CYP19A1: variants seen among roughly 807,000 people sequenced by gnomAD.
CYP19A1 encodes the protein cytochrome P450 family 19 subfamily A member 1.
A neutral mutation model predicts 44.4 loss-of-function variants in CYP19A1; 32 were observed. That is an observed-to-expected ratio of 0.72 (90% CI 0.54 to 0.97). The LOEUF (loss-of-function observed/expected upper bound fraction) is 0.97, where lower values mean the gene tolerates loss of function less well. Ranked by LOEUF, CYP19A1 falls within the 50% of genes least tolerant of loss-of-function variation. The pLI, the probability that CYP19A1 is intolerant of heterozygous loss-of-function variation, is 0.00. For synonymous variants in CYP19A1, 212 were observed against 215.6 expected (o/e 0.98, Z 0.14); for missense variants, 598 against 637.8 (o/e 0.94, Z 0.67).
chr15:51,225,827 C>T (rs114363907), intron 4 of CYP19A1, among the ~76,000 whole-genome samples: 4,341 of 152,098 alleles, frequency 0.029, 234 homozygotes, highest in African/African-American at 0.1. Flanking sequence ...TATAGGCTGA[C>T]GTCTGTGATC....
chr15:51,221,784 G>A (rs985130678), intron 5 of CYP19A1: 1 of 157,426 alleles, frequency 6.4e-6, no homozygotes, highest in Non-Finnish European at 1.4e-5. Flanking sequence ...TGGCAAACAT[G>A]TATATACAGC....
intron 1 of CYP19A1, among the ~76,000 whole-genome samples, chr15:51,280,382 G>A (rs934626649): frequency 6.6e-6 from 1 of 151,174 alleles, no homozygotes; most frequent in African/African-American, 2.4e-5. Context: ...ACAGGTGTGA[G>A]CCACCACGCC....
chr15:51,288,954 G>T (rs539365151), intron 1 of CYP19A1, among the ~76,000 whole-genome samples: 1 of 152,306 alleles, frequency 6.6e-6, no homozygotes, highest in South Asian at 2.1e-4. Context: ...TGACCTCCCC[G>T]CAACATAACT....
Position 51,212,323 on chromosome 15 carries a change from C to A in CYP19A1, c.1260G>T (p.Lys420Asn), listed in dbSNP as rs376525463. The change falls in exon 9 of 10, where the codon AAG becomes AAT. Residue 420 changes from lysine to asparagine, a missense_variant. Transcript: ENST00000396402. ...AGTTTTAAGGAAGGGCTCTTACATT[C>A]TTTGCAAAATTTTCAAGAGTAAATT... The part of the protein sequence containing the change: ...PNEFTLENFA[K>N]NVPYRYFQPF... 1.3e-6 allele frequency: 2 copies of A among 1,598,066 alleles called. No homozygotes were observed. Among genetic ancestry groups the A allele is most frequent in the African/African-American group, 2.7e-5 (2 of 74,548 alleles).
chr15:51,300,992 GAAC>G (rs2036100760), intron 1 of CYP19A1, among the ~76,000 whole-genome samples: 1 of 152,178 alleles, frequency 6.6e-6, no homozygotes, highest in South Asian at 2.1e-4. Flanking sequence ...CTAAGAAAGG[GAAC>G]TACCTTTCCA....
intron 1 of CYP19A1, among the ~76,000 whole-genome samples, chr15:51,310,802 C>T (rs568115412): frequency 1.3e-4 from 20 of 152,248 alleles, no homozygotes; most frequent in Admixed American, 1.0e-3. Context: ...TCCGGCAAGA[C>T]GGAACTCTTG....
intron 1 of CYP19A1, among the ~76,000 whole-genome samples, chr15:51,272,311 C>G (rs1202001332): frequency 6.6e-6 from 1 of 152,196 alleles, no homozygotes; most frequent in Non-Finnish European, 1.5e-5. Context: ...TCAAATGTAA[C>G]TGGAAATGAG....
At chr15:51,301,492 G>A (rs976697376) in intron 1 of CYP19A1, among the ~76,000 whole-genome samples, 1 of 152,202 alleles carries the variant, frequency 6.6e-6, no homozygotes, top group Non-Finnish European at 1.5e-5. Context: ...AGTAGAAAAT[G>A]AATGCTTTTC....
At chr15:51,231,239 G>A (rs2033005135) in intron 3 of CYP19A1, among the ~76,000 whole-genome samples, 1 of 152,160 alleles carries the variant, frequency 6.6e-6, no homozygotes, top group South Asian at 2.1e-4. Context: ...CCAATTTTCA[G>A]TTTATAAGAA....
intron 6 of CYP19A1, among the ~76,000 whole-genome samples, chr15:51,217,423 T>C (rs2031680889): frequency 6.6e-6 from 1 of 152,242 alleles, no homozygotes; most frequent in African/African-American, 2.4e-5. Flanking sequence ...CTTTTATCTA[T>C]TAGTTTTCAA....
At chr15:51,231,169 T>C (rs2032999162) in intron 3 of CYP19A1, among the ~76,000 whole-genome samples, 1 of 152,252 alleles carries the variant, frequency 6.6e-6, no homozygotes, top group Non-Finnish European at 1.5e-5. Context: ...ATGAAGTTCC[T>C]AGTACTACTG....
intron 1 of CYP19A1, among the ~76,000 whole-genome samples, chr15:51,289,460 C>T (rs2035791994): frequency 1.3e-5 from 2 of 152,162 alleles, no homozygotes; most frequent in Non-Finnish European, 2.9e-5. Flanking sequence ...CTCTCACCCA[C>T]AGGGACGTGA....
chr15:51,331,360 G>C (rs1290355339), intron 1 of CYP19A1, among the ~76,000 whole-genome samples: 3 of 152,164 alleles, frequency 2.0e-5, no homozygotes, highest in African/African-American at 7.2e-5. Flanking sequence ...CTACGAAAAG[G>C]AAAGAGGAGA....
At chr15:51,235,450 G>A (rs2033330447) in intron 3 of CYP19A1, among the ~76,000 whole-genome samples, 1 of 152,170 alleles carries the variant, frequency 6.6e-6, no homozygotes, top group South Asian at 2.1e-4. Flanking sequence ...CTGCATTAGA[G>A]TACTTCACAA....
At chr15:51,327,131 C>T (rs2141027295) in intron 1 of CYP19A1, among the ~76,000 whole-genome samples, 1 of 152,282 alleles carries the variant, frequency 6.6e-6, no homozygotes, top group East Asian at 1.9e-4. Context: ...AAAGAATAAA[C>T]ATGAGTAACA....
At chr15:51,331,076 G>A (rs1017468547) in intron 1 of CYP19A1, among the ~76,000 whole-genome samples, 1 of 152,146 alleles carries the variant, frequency 6.6e-6, no homozygotes, top group African/African-American at 2.4e-5. Context: ...CCCCAGAATT[G>A]AGTTCCTGTT....
At chr15:51,243,768 A>G (rs139669527) in intron 1 of CYP19A1, among the ~76,000 whole-genome samples, 5 of 152,334 alleles carry the variant, frequency 3.3e-5, no homozygotes, top group Admixed American at 6.5e-5. Flanking sequence ...AGAGCAGCTA[A>G]CATCCTGTGC....
intron 1 of CYP19A1, among the ~76,000 whole-genome samples, chr15:51,265,843 TTTA>T (rs1343400835): frequency 6.6e-6 from 1 of 152,108 alleles, no homozygotes; most frequent in Non-Finnish European, 1.5e-5. Context: ...TCCCCCACAG[TTTA>T]TTATACTCTG....
rs1487341278 is a variant in CYP19A1 at position 51,294,407 on chromosome 15, G to A, written c.-39+44088C>T. 5.6e-3 allele frequency among the ~76,000 whole-genome samples: 821 copies of A among 146,968 alleles called. 11 individuals are homozygous for A. Among genetic ancestry groups the A allele is most frequent in the African/African-American group, 0.02 (776 of 39,468 alleles). ...AGGAGTGTCTCTGCCCGGCCGCCCC[G>A]TCTGAGAAGTGAGGAGACCCTCCGC... On this transcript the variant is annotated intron_variant, in intron 1 of 9. Coordinates refer to ENST00000396402, the MANE Select transcript of CYP19A1 (RefSeq NM_000103.4).
Sources: allele counts gnomAD v4.1 joint callset (sites outside exome capture counted in the v4.1 genomes callset), GRCh38; gene constraint gnomAD v4.1.1; transcripts MANE v1.5; gene names NCBI Gene and HGNC (gene_info 2026-07-23, HGNC 2026-07-21).